Variants in GRB10 observed in about 807,000 individuals in gnomAD.
The protein encoded by GRB10 is growth factor receptor bound protein 10, also known as growth factor receptor-bound protein 10.
GRB10 carries 20 observed loss-of-function variants against 80.9 expected under a neutral mutation model. The ratio of observed to expected loss-of-function variants is 0.25; its 90% confidence interval spans 0.17 to 0.36. The LOEUF is 0.36. GRB10 is among the 10% of genes least tolerant of loss of function. The pLI is 1.00. For missense variants in GRB10, 548 were observed against 747.7 expected, an observed-to-expected ratio of 0.73 and a Z score of 3.12; for synonymous variants, 291 against 291.5, an observed-to-expected ratio of 1.00 and a Z score of 0.02.
chr7:50,742,093 A>G (rs577343031), intron 3 of GRB10, among the ~76,000 whole-genome samples: 1 of 152,312 alleles, frequency 6.6e-6, no homozygotes, highest in East Asian at 1.9e-4. Flanking sequence ...GTAAAACCCA[A>G]ACTCCACCCA....
chr7:50,741,063 T>C (rs1270377618), intron 3 of GRB10, among the ~76,000 whole-genome samples: 2 of 152,094 alleles, frequency 1.3e-5, no homozygotes, highest in Non-Finnish European at 2.9e-5. Context: ...AACAGCAAAG[T>C]ATCAAAATAC....
intron 4 of GRB10, among the ~76,000 whole-genome samples, chr7:50,713,292 C>A (rs2066193237): frequency 6.6e-6 from 1 of 151,840 alleles, no homozygotes; most frequent in Admixed American, 6.6e-5. Flanking sequence ...GCGGTCACTA[C>A]CTCCCCTCCC....
chr7:50,684,848 C>T (rs1237867458), intron 5 of GRB10, among the ~76,000 whole-genome samples: 1 of 152,214 alleles, frequency 6.6e-6, no homozygotes, highest in Non-Finnish European at 1.5e-5. Context: ...CAATTCCTAA[C>T]TCTTCTATTA....
intron 5 of GRB10, among the ~76,000 whole-genome samples, chr7:50,686,316 G>C (rs2062097896): frequency 2.0e-5 from 3 of 152,156 alleles, no homozygotes; most frequent in Non-Finnish European, 4.4e-5. Flanking sequence ...ATCATCAGTT[G>C]CCAGATCTGG....
chr7:50,693,907 T>C (rs1219586642), intron 5 of GRB10, among the ~76,000 whole-genome samples: 1 of 151,806 alleles, frequency 6.6e-6, no homozygotes, highest in East Asian at 1.9e-4. Context: ...CCCAAGCAGT[T>C]GCAGTCAGCA....
chr7:50,739,623 C>T (rs866386020), intron 3 of GRB10, among the ~76,000 whole-genome samples: 4 of 152,198 alleles, frequency 2.6e-5, no homozygotes, highest in African/African-American at 4.8e-5. Flanking sequence ...TTATTAAAAA[C>T]GCTTTTCATG....
chr7:50,616,483 C>T, intron 10 of GRB10, 136 bp from the exon 11 acceptor site: 2 of 823,688 alleles, frequency 2.4e-6, no homozygotes, highest in Non-Finnish European at 3.9e-6. Context: ...GTTCTCCTTT[C>T]CAAAGTCTTA....
At chr7:50,649,791 G>A (rs567354270) in intron 7 of GRB10, among the ~76,000 whole-genome samples, 1 of 152,182 alleles carries the variant, frequency 6.6e-6, no homozygotes, top group Non-Finnish European at 1.5e-5. Flanking sequence ...TCCAAAGGGG[G>A]AATCAAGGAT....
intron 15 of GRB10, 35 bp from the exon 16 acceptor site, chr7:50,604,412 G>A (rs2048156259): frequency 6.4e-7 from 1 of 1,553,646 alleles, no homozygotes. Context: ...ACCGAGGACA[G>A]CAGACAGACA....
intron 15 of GRB10, 132 bp downstream of exon 15, chr7:50,605,158 T>A: frequency 5.1e-6 from 3 of 583,848 alleles, no homozygotes; most frequent in Non-Finnish European, 5.8e-6. Flanking sequence ...TTCCTGCAGC[T>A]GAGAACTCAC....
At chr7:50,710,623 C>T (rs1001786353) in intron 4 of GRB10, among the ~76,000 whole-genome samples, 1 of 152,042 alleles carries the variant, frequency 6.6e-6, no homozygotes, top group African/African-American at 2.4e-5. Context: ...ATCATCAGTG[C>T]GGCGGGCACT....
intron 12 of GRB10, 61 bp from the exon 13 acceptor site, chr7:50,612,900 C>G: frequency 9.0e-7 from 1 of 1,110,318 alleles, no homozygotes; most frequent in Non-Finnish European, 1.4e-6. Flanking sequence ...CAGCTTCTGT[C>G]AAGGCAGGGC....
intron 3 of GRB10, among the ~76,000 whole-genome samples, chr7:50,738,983 TTTAA>T (rs1481310459): frequency 6.6e-6 from 1 of 152,110 alleles, no homozygotes; most frequent in Non-Finnish European, 1.5e-5. Flanking sequence ...ATTTGTTTAT[TTTAA>T]TTAATGAAAA....
upstream of GRB10, among the ~76,000 whole-genome samples, chr7:50,784,541 C>A (rs1183499537): frequency 6.6e-6 from 1 of 152,166 alleles, no homozygotes; most frequent in Non-Finnish European, 1.5e-5. Flanking sequence ...GGCTTCCCTG[C>A]CACACTCCCC....
chr7:50,756,643 C>T (rs965302506), intron 2 of GRB10, among the ~76,000 whole-genome samples: 1 of 152,190 alleles, frequency 6.6e-6, no homozygotes, highest in Admixed American at 6.5e-5. Flanking sequence ...GAACTGAGAG[C>T]TCAAGGCGCA....
intron 4 of GRB10, chr7:50,705,283 C>A: frequency 1.0e-6 from 1 of 985,778 alleles, no homozygotes; most frequent in Non-Finnish European, 1.2e-6. Context: ...ATGTTTGTTC[C>A]CTGGGAGGCA....
At chr7:50,641,981 C>T (rs1055616270) in intron 7 of GRB10, among the ~76,000 whole-genome samples, 1 of 152,154 alleles carries the variant, frequency 6.6e-6, no homozygotes. Flanking sequence ...CTGAGGAACA[C>T]GGGGTGGGGA....
At chr7:50,594,881 T>C (rs2046367590) in intron 18 of GRB10, among the ~76,000 whole-genome samples, 1 of 152,302 alleles carries the variant, frequency 6.6e-6, no homozygotes, top group African/African-American at 2.4e-5. Flanking sequence ...CCAAGGACCA[T>C]GTGGAAGGAG....
At chr7:50,773,301 G>A (rs115301542) in intron 2 of GRB10, among the ~76,000 whole-genome samples, 346 of 149,224 alleles carry the variant, frequency 2.3e-3, no homozygotes, top group African/African-American at 8.1e-3. Context: ...GCCAAACGAT[G>A]TAACACCTAT....
Sources: gnomAD v4.1 joint callset for allele counts (sites outside exome capture counted in the v4.1 genomes callset) on GRCh38, gnomAD v4.1.1 for gene constraint, MANE v1.5 for transcripts, NCBI Gene and HGNC (gene_info 2026-07-23, HGNC 2026-07-21) for gene names.